Variants in TMEM233 observed in about 807,000 individuals in gnomAD.
TMEM233 encodes the protein transmembrane protein 233.
A neutral mutation model predicts 11.2 loss-of-function variants in TMEM233; 6 were observed. The ratio of observed to expected loss-of-function variants is 0.54; its 90% CI spans 0.29 to 1.06. The LOEUF is 1.06. Ranked by LOEUF, TMEM233 falls within the 50% of genes least tolerant of loss-of-function variation. The pLI is 0.08. For missense variants in TMEM233, 127 were observed against 144.7 expected, an observed-to-expected ratio of 0.88 and a Z score of 0.63; for synonymous variants, 59 against 55.8, an observed-to-expected ratio of 1.06 and a Z score of -0.26.
Position 119,594,097 on chromosome 12 carries a change from A to T in TMEM233, c.186+63A>T. 4 of 1,504,714 alleles carry T rather than the reference A, an allele frequency of 2.7e-6. No individual in the cohort carries two copies. Among genetic ancestry groups the T allele is most frequent in the Non-Finnish European group, 3.6e-6 (4 of 1,115,012 alleles). The allele number at this position is 1,504,714 out of a possible 1,614,324, so 93.2% of individuals were successfully genotyped here. A position where few individuals can be genotyped will look rare whatever the true frequency, so the allele number is the denominator to read the frequency against. On this transcript the variant is annotated intron_variant, in intron 1 of 2. Transcript: ENST00000426426. This position sits in a 1 kb window ranked among gnomAD's most constrained non-coding sequence, Gnocchi z 5.6. ...GACCCGGGCGGCTTTGAGCCCCTGC[A>T]GGGGAGTCCGCGCGCTCTCTGCGGC...
Position 119,594,926 on chromosome 12 carries a change from C to T in TMEM233, c.186+892C>T, listed in dbSNP as rs1385800016. Among the ~76,000 whole-genome samples, 1 of 152,106 alleles carries T rather than the reference C, an allele frequency of 6.6e-6. No homozygotes were observed. Among genetic ancestry groups the T allele is most frequent in the African/African-American group, 2.4e-5 (1 of 41,456 alleles). On this transcript the variant is annotated intron_variant, in intron 1 of 2. Coordinates refer to ENST00000426426, the MANE Select transcript of TMEM233 (RefSeq NM_001136534.3). This position sits in a 1 kb window ranked among gnomAD's most constrained non-coding sequence, Gnocchi z 5.6. Reference sequence around the variant, plus strand: ...TCCCCCAGAGCTCCCAGGCGCCCCTCCACCGCTCTGTCCTGCGCCCGGGGC... The same window carrying T: ...TCCCCCAGAGCTCCCAGGCGCCCCTTCACCGCTCTGTCCTGCGCCCGGGGC...
At chr12:119,645,846 C>A (rs937005881), downstream of TMEM233, among the ~76,000 whole-genome samples, 1 of 152,118 alleles carries the variant, frequency 6.6e-6, no homozygotes, top group African/African-American at 2.4e-5. Context: ...TGTTTACTCC[C>A]CCAGGTCACG....
chr12:119,628,453 G>T (rs991482820), intron 1 of TMEM233, among the ~76,000 whole-genome samples: 2 of 146,032 alleles, frequency 1.4e-5, no homozygotes, highest in African/African-American at 5.1e-5. Flanking sequence ...GAGCCAGCAC[G>T]CCCGGCCTAA....
the TMEM233 span, among the ~76,000 whole-genome samples, chr12:119,651,929 A>G: frequency 3.3e-5 from 5 of 152,156 alleles, no homozygotes; most frequent in Non-Finnish European, 7.3e-5. Context: ...AAGTATAAGT[A>G]GAATGACTAA....
intron 1 of TMEM233, among the ~76,000 whole-genome samples, chr12:119,628,418 C>T (rs2136767979): frequency 6.6e-6 from 1 of 152,012 alleles, no homozygotes; most frequent in South Asian, 2.1e-4. Flanking sequence ...GCCTCGACCT[C>T]CCAAAGTGCT....
chr12:119,620,225 T>G (rs1455717477), intron 1 of TMEM233, among the ~76,000 whole-genome samples: 1 of 152,164 alleles, frequency 6.6e-6, no homozygotes, highest in East Asian at 1.9e-4. Flanking sequence ...CTTGAGATTC[T>G]TCTTCACCCA....
intron 1 of TMEM233, among the ~76,000 whole-genome samples, chr12:119,601,417 G>C (rs6490259): frequency 0.34 from 51,775 of 151,856 alleles, 9,368 homozygotes; most frequent in African/African-American, 0.41. Flanking sequence ...AGCACTTTGG[G>C]AGGCCGAGGC....
At chr12:119,628,628 T>G (rs1292956501) in intron 1 of TMEM233, among the ~76,000 whole-genome samples, 1 of 151,170 alleles carries the variant, frequency 6.6e-6, no homozygotes, top group Non-Finnish European at 1.5e-5. Context: ...GCCTCCCAAG[T>G]AGCTGGGACT....
At chr12:119,599,106 C>T (rs1954104104) in intron 1 of TMEM233, among the ~76,000 whole-genome samples, 1 of 152,154 alleles carries the variant, frequency 6.6e-6, no homozygotes, top group African/African-American at 2.4e-5. Flanking sequence ...TAATGCCAAA[C>T]TGAAACACAT....
At chr12:119,637,192 T>C (rs944270977) in intron 2 of TMEM233, among the ~76,000 whole-genome samples, 11 of 152,224 alleles carry the variant, frequency 7.2e-5, no homozygotes, top group African/African-American at 2.7e-4. Flanking sequence ...ACATGTTAAA[T>C]GCACATACAA....
chr12:119,597,792 T>C (rs1026033329), intron 1 of TMEM233, among the ~76,000 whole-genome samples: 1 of 152,210 alleles, frequency 6.6e-6, no homozygotes, highest in Non-Finnish European at 1.5e-5. Context: ...TGTTTCTTCC[T>C]CTATATATTG....
rs1308408609 is a variant in TMEM233, at chr12:119,594,767, T to C, written c.186+733T>C. On this transcript the variant is annotated intron_variant, in intron 1 of 2. Transcript: ENST00000426426. The surrounding 1 kb of genome is among the most constrained non-coding windows in gnomAD (Gnocchi z 5.6). ...AGGCTGGCTCACACCCACTACCTCT[T>C]TAGGCCTTTCTTAGGCTCCCCGTGT... Among the ~76,000 whole-genome samples, 1 of 152,056 alleles carries C rather than the reference T, an allele frequency of 6.6e-6. No individual in the cohort carries two copies. The highest frequency in any genetic ancestry group is 1.9e-4 in the East Asian group (1 of 5,154).
At chr12:119,649,340 G>T in the TMEM233 span, among the ~76,000 whole-genome samples, 1 of 152,002 alleles carries the variant, frequency 6.6e-6, no homozygotes, top group African/African-American at 2.4e-5. Flanking sequence ...GAAGAGAAAA[G>T]AAGAGAAAAA....
chr12:119,615,044 TA>T (rs748442008), intron 1 of TMEM233, among the ~76,000 whole-genome samples: 3 of 151,348 alleles, frequency 2.0e-5, no homozygotes, highest in Non-Finnish European at 4.4e-5. Context: ...GAACCTTCAA[TA>T]AAAAAGTTCT....
chr12:119,633,662 GA>G (rs1954926853), intron 2 of TMEM233, among the ~76,000 whole-genome samples: 1 of 152,170 alleles, frequency 6.6e-6, no homozygotes, highest in Non-Finnish European at 1.5e-5. Flanking sequence ...GCAAGAGAGA[GA>G]GAGACAGAGA....
intron 1 of TMEM233, among the ~76,000 whole-genome samples, chr12:119,615,206 A>AAAAAAAAAAAAAAAT (rs1954501487): frequency 8.3e-6 from 1 of 120,652 alleles, no homozygotes; most frequent in Non-Finnish European, 1.7e-5. Context: ...AAAAAAAAAA[A>AAAAAAAAAAAAAAAT]CTGCCTCCTC....
At chr12:119,597,143 T>A (rs182169817) in intron 1 of TMEM233, among the ~76,000 whole-genome samples, 48 of 152,330 alleles carry the variant, frequency 3.2e-4, no homozygotes, top group Admixed American at 1.2e-3. Flanking sequence ...GGATGTGCAG[T>A]AGAAAGGTGG....
At chr12:119,621,032 C>T (rs1040047063) in intron 1 of TMEM233, among the ~76,000 whole-genome samples, 2 of 148,148 alleles carry the variant, frequency 1.3e-5, no homozygotes, top group African/African-American at 5.0e-5. Context: ...AGGTACATGC[C>T]ACCATACCTG....
At position 119,631,423 on chromosome 12, in the gene TMEM233, G is replaced by C. The variant is rs952298488; in HGVS notation, c.323+1551G>C. ...GCAGACCCAGGAACAACCAGTGGCA[G>C]CTGGGTAGAGGGGAAGATGTCAAAA... On this transcript the variant is annotated intron_variant, in intron 2 of 2. Transcript: ENST00000426426. 2.0e-5 allele frequency: 16 copies of C among 794,372 alleles called. No individual in the cohort carries two copies. In the African/African-American group the frequency reaches 3.0e-4, roughly 15 times the overall value. 49.2% of individuals were successfully genotyped at this position (794,372 alleles called of 1,614,324 possible). A position where few individuals can be genotyped will look rare whatever the true frequency, so the allele number is the denominator to read the frequency against.
Sources: gnomAD v4.1 joint callset for allele counts (sites outside exome capture counted in the v4.1 genomes callset) on GRCh38, gnomAD v4.1.1 for gene constraint, Gnocchi (gnomAD v3.1) non-coding constraint, MANE v1.5 for transcripts, NCBI Gene and HGNC (gene_info 2026-07-23, HGNC 2026-07-21) for gene names.